Variants in PTPRS observed in about 807,000 individuals in gnomAD.
The protein encoded by PTPRS is receptor-type tyrosine-protein phosphatase S.
In PTPRS, 63 loss-of-function variants were observed where a neutral mutation model predicts 215.3. That is an observed-to-expected ratio of 0.29 (90% CI 0.24 to 0.36). PTPRS has a LOEUF of 0.36. Among genes scored for constraint, PTPRS ranks in the 10% least tolerant of loss-of-function variants. The pLI is 1.00. For missense variants in PTPRS, 2,258 were observed against 2,825.8 expected (o/e 0.80, Z 4.56); for synonymous variants, 1,404 against 1,191.4 (o/e 1.18, Z -3.68).
intron 11 of PTPRS, 133 bp from the exon 12 acceptor site, chr19:5,240,465 A>C: frequency 2.3e-6 from 2 of 881,408 alleles, no homozygotes; most frequent in South Asian, 5.1e-5. Flanking sequence ...TTTCCTGGGG[A>C]CCTCGCCCCC....
intron 1 of PTPRS, among the ~76,000 whole-genome samples, chr19:5,337,269 C>T (rs2147326193): frequency 6.6e-6 from 1 of 152,356 alleles, no homozygotes; most frequent in East Asian, 1.9e-4. Context: ...CCGCTCGCCC[C>T]CATCCCGAAC....
chr19:5,284,292 G>A (rs1247712120), intron 2 of PTPRS, among the ~76,000 whole-genome samples: 2 of 151,762 alleles, frequency 1.3e-5, no homozygotes, highest in African/African-American at 2.4e-5. Context: ...TCTGGGAGGC[G>A]GAGGTTGCAG....
rs968879905 is a variant in PTPRS, at chr19:5,237,887, C to A, written c.1849+1032G>T. Among the ~76,000 whole-genome samples, 4 of 152,062 alleles carry A rather than the reference C, an allele frequency of 2.6e-5. No homozygotes were observed. The highest frequency in any genetic ancestry group is 2.0e-4 in the Admixed American group (3 of 15,278). Reference sequence around the variant, plus strand: ...GGGTTGTGTCTCCGAGGCGCCCCACCCCCCCGATCCCAGCGGCTCAGATGC... The same window carrying A: ...GGGTTGTGTCTCCGAGGCGCCCCACACCCCCGATCCCAGCGGCTCAGATGC... On this transcript the variant is annotated intron_variant, in intron 13 of 37. Coordinates refer to ENST00000262963, the MANE Select transcript of PTPRS (RefSeq NM_002850.4). The surrounding 1 kb of genome is among the most constrained non-coding windows in gnomAD (Gnocchi z 4.2).
chr19:5,320,761 T>C (rs2050004970), intron 1 of PTPRS, among the ~76,000 whole-genome samples: 1 of 152,120 alleles, frequency 6.6e-6, no homozygotes, highest in Non-Finnish European at 1.5e-5. Context: ...GTCCTCATGC[T>C]GAGCCCAGCC....
chr19:5,216,928 C>A (rs547462405), intron 25 of PTPRS, among the ~76,000 whole-genome samples, 161 bp from the exon 26 acceptor site: 2 of 152,306 alleles, frequency 1.3e-5, no homozygotes, highest in East Asian at 3.9e-4. Context: ...TGAGGACTCA[C>A]GATAGCTGCT....
chr19:5,289,739 G>A (rs1225528300), intron 1 of PTPRS, among the ~76,000 whole-genome samples: 1 of 152,232 alleles, frequency 6.6e-6, no homozygotes, highest in Non-Finnish European at 1.5e-5. Flanking sequence ...GGGAATTGGG[G>A]GCAAGGGTGT....
At position 5,257,379 on chromosome 19, in the gene PTPRS, GTGC is replaced by G. The variant is rs1568494292; in HGVS notation, c.706+635_706+637del. On this transcript the variant is annotated intron_variant, in intron 8 of 37. Coordinates refer to ENST00000262963, the MANE Select transcript of PTPRS (RefSeq NM_002850.4). This position sits in a 1 kb window ranked among gnomAD's most constrained non-coding sequence, Gnocchi z 4.4. ...TCGGTGCAACTACCGAGCCCCCCGG[GTGC>G]CTGTGCCCGCTGTGGCTCCAGCCTC... is the stretch of plus-strand genomic sequence containing the variant. The G allele has an allele frequency of 2.2e-6, 1 of 455,500 alleles. No individual in the cohort carries two copies. Among genetic ancestry groups the G allele is most frequent in the Non-Finnish European group, 4.4e-6 (1 of 226,150 alleles). 28.2% of individuals were successfully genotyped at this position (455,500 alleles called of 1,614,324 possible). A position where few individuals can be genotyped will look rare whatever the true frequency, so the allele number is the denominator to read the frequency against.
intron 2 of PTPRS, among the ~76,000 whole-genome samples, chr19:5,277,205 A>G (rs1016347933): frequency 1.6e-4 from 25 of 151,774 alleles, no homozygotes; most frequent in Non-Finnish European, 2.6e-4. Flanking sequence ...GACTACAGGT[A>G]CCCACAGCCA....
rs2040942460 is a variant in PTPRS, at chr19:5,211,994, G to A, written c.5026C>T (p.His1676Tyr). The change falls in exon 32 of 38, where the codon CAC (histidine) becomes TAC (tyrosine). Residue 1676 changes from histidine (H) to tyrosine (Y), a missense_variant. Physicochemically the swap from His to Tyr is moderately conservative, Grantham distance 83. Around this residue, in one of 6 missense-constraint regions of PTPRS, gnomAD observed 927 missense variants for 1,125.9 expected, o/e 0.82. Transcript: ENST00000262963. ...AACTCGAGTTCCATGCCAGTGACGT[G>A]TTCGCCAGGCTCCACCTGGGCCAGC... ...QKLAQVEPGE[H>Y]VTGMELEFKR... is the part of the protein sequence containing the mutation. The A allele has an allele frequency of 6.2e-7, 1 of 1,611,516 alleles. No individual in the cohort carries two copies. The highest frequency in any genetic ancestry group is 8.5e-7 in the Non-Finnish European group (1 of 1,179,250).
intron 23 of PTPRS, 89 bp downstream of exon 23, chr19:5,219,221 T>G: frequency 6.5e-7 from 1 of 1,533,832 alleles, no homozygotes; most frequent in Non-Finnish European, 9.0e-7. Context: ...CAGAGACCTT[T>G]AGTGATGATT....
At chr19:5,273,689 T>A (rs879885396) in intron 3 of PTPRS, 106 bp from the exon 4 acceptor site, 28 of 1,348,092 alleles carry the variant, frequency 2.1e-5, no homozygotes, top group Non-Finnish European at 2.7e-5. Flanking sequence ...GTCAGCCCCA[T>A]GATCCTGGGG....
intron 4 of PTPRS, 36 bp from the exon 5 acceptor site, chr19:5,265,232 C>A: frequency 6.3e-7 from 1 of 1,583,682 alleles, no homozygotes; most frequent in South Asian, 1.1e-5. Context: ...GGGCATGGTT[C>A]TGAGCACTGC....
intron 9 of PTPRS, among the ~76,000 whole-genome samples, chr19:5,249,473 G>T (rs1356501199): frequency 6.6e-6 from 1 of 152,210 alleles, no homozygotes; most frequent in African/African-American, 2.4e-5. Flanking sequence ...GAGGTGACAA[G>T]ACTAGATGGA....
intron 1 of PTPRS, among the ~76,000 whole-genome samples, chr19:5,311,971 C>T (rs1179329577): frequency 2.0e-5 from 3 of 151,288 alleles, no homozygotes; most frequent in Non-Finnish European, 4.4e-5. Flanking sequence ...ACCCGGGAGG[C>T]GGAGCTTGCA....
At chr19:5,263,990 G>A (rs1354613782) in intron 5 of PTPRS, among the ~76,000 whole-genome samples, 2 of 152,174 alleles carry the variant, frequency 1.3e-5, no homozygotes, top group African/African-American at 2.4e-5. Flanking sequence ...CGCAGACACA[G>A]CCCCCCAGAC....
At chr19:5,213,188 C>G (rs542188384) in intron 30 of PTPRS, among the ~76,000 whole-genome samples, 2 of 152,336 alleles carry the variant, frequency 1.3e-5, no homozygotes, top group African/African-American at 2.4e-5. Flanking sequence ...CTATCACCAC[C>G]CTCTTTGCCG....
At chr19:5,272,645 A>G (rs1304925425) in intron 4 of PTPRS, among the ~76,000 whole-genome samples, 1 of 140,900 alleles carries the variant, frequency 7.1e-6, no homozygotes, top group African/African-American at 2.6e-5. Flanking sequence ...AAAGAATTGC[A>G]CCTAAACAAG....
At chr19:5,321,379 T>A (rs1305967819) in intron 1 of PTPRS, among the ~76,000 whole-genome samples, 1 of 152,260 alleles carries the variant, frequency 6.6e-6, no homozygotes, top group Non-Finnish European at 1.5e-5. Flanking sequence ...ATCTCCCTGA[T>A]GTCTCCCGAC....
At position 5,273,609 on chromosome 19, in the gene PTPRS, C is replaced by T. The variant is rs569830793; in HGVS notation, c.238-26G>A. 58 of 1,613,592 alleles carry T rather than the reference C, an allele frequency of 3.6e-5. No individual in the cohort carries two copies. In the African/African-American group the frequency reaches 6.5e-4, roughly 18 times the overall value. ...CTGCCATGGGCAGGGGAAAAAAGAA[C>T]AGAGTGAGGCTGGGGTCCCAGGAAG... On this transcript the variant is annotated intron_variant, in intron 3 of 37. Coordinates refer to ENST00000262963, the MANE Select transcript of PTPRS (RefSeq NM_002850.4).
Sources: gnomAD v4.1 joint callset for allele counts (sites outside exome capture counted in the v4.1 genomes callset) on GRCh38, gnomAD v4.1.1 for gene constraint, gnomAD v4.1.1 regional missense constraint, Gnocchi (gnomAD v3.1) non-coding constraint, MANE v1.5 for transcripts, NCBI Gene and HGNC (gene_info 2026-07-23, HGNC 2026-07-21) for gene names.